The following TBC1D22A variants were observed in gnomAD, a reference collection of about 807,000 sequenced individuals.
The protein encoded by TBC1D22A is putative GTPase activator.
Under a neutral mutation model 60.2 loss-of-function variants are expected in TBC1D22A, and 38 were observed. That is an observed-to-expected ratio of 0.63 (90% confidence interval 0.49 to 0.83). The LOEUF is 0.83. TBC1D22A is among the 40% of genes least tolerant of loss of function. TBC1D22A has a pLI of 0.00. For missense variants in TBC1D22A, 628 were observed against 701.0 expected (o/e 0.90, Z 1.18); for synonymous variants, 302 against 281.7 (o/e 1.07, Z -0.72).
At chr22:46,960,418 C>G (rs1201015599) in intron 8 of TBC1D22A, among the ~76,000 whole-genome samples, 2 of 152,126 alleles carry the variant, frequency 1.3e-5, no homozygotes, top group Admixed American at 1.3e-4. Flanking sequence ...CCCACCACCA[C>G]GCCCAGCTAA....
intron 4 of TBC1D22A, among the ~76,000 whole-genome samples, chr22:46,843,536 C>T (rs139128236): frequency 5.3e-4 from 80 of 151,414 alleles, no homozygotes; most frequent in Non-Finnish European, 1.0e-3. Context: ...GTGTGGCCCC[C>T]AGTACATTTT....
chr22:47,010,327 G>A (rs907229161), intron 10 of TBC1D22A, among the ~76,000 whole-genome samples: 4 of 151,580 alleles, frequency 2.6e-5, no homozygotes, highest in African/African-American at 9.8e-5. Flanking sequence ...AACAGGCAGC[G>A]TGGCTCCCTC....
intron 4 of TBC1D22A, among the ~76,000 whole-genome samples, chr22:46,864,226 T>C (rs1282810148): frequency 1.3e-5 from 2 of 152,210 alleles, no homozygotes; most frequent in African/African-American, 4.8e-5. Context: ...ATGATAGCAA[T>C]TAAGGGTCAC....
intron 11 of TBC1D22A, among the ~76,000 whole-genome samples, chr22:47,106,922 A>G (rs1205545792): frequency 1.3e-5 from 2 of 152,132 alleles, no homozygotes; most frequent in African/African-American, 4.8e-5. Context: ...ACAGAGCGAG[A>G]CTCCATCTCA....
Position 46,804,900 on chromosome 22 carries a change from T to G in TBC1D22A, c.637+7280T>G, listed in dbSNP as rs140118772. ...ATCTGTTGCATGTTTGTCTTTTTTT[T>G]CTTATAATTTCTTTTGTAGATGAGG... On this transcript the variant is annotated intron_variant, in intron 4 of 12. Coordinates refer to ENST00000337137, the MANE Select transcript of TBC1D22A (RefSeq NM_014346.5). Among the ~76,000 whole-genome samples the G allele has an allele frequency of 1.5e-3, 223 of 152,340 alleles. 1 individual carries two copies. Among genetic ancestry groups the G allele is most frequent in the African/African-American group, 5.2e-3 (218 of 41,580 alleles).
intron 9 of TBC1D22A, among the ~76,000 whole-genome samples, chr22:46,985,381 C>T (rs148133130): frequency 1.3e-5 from 2 of 152,238 alleles, no homozygotes; most frequent in African/African-American, 4.8e-5. Context: ...TACATGATTT[C>T]AGAGCCCCAG....
chr22:46,944,721 A>G (rs2072421849), intron 8 of TBC1D22A, among the ~76,000 whole-genome samples: 1 of 152,202 alleles, frequency 6.6e-6, no homozygotes, highest in African/African-American at 2.4e-5. Context: ...TTAAAAAATA[A>G]AACTTTTCAT....
chr22:46,902,015 G>T (rs1229942855), intron 7 of TBC1D22A, among the ~76,000 whole-genome samples: 1 of 152,234 alleles, frequency 6.6e-6, no homozygotes, highest in African/African-American at 2.4e-5. Flanking sequence ...AAATCTCTGA[G>T]CTCCCTCGTG....
At chr22:47,136,187 A>G (rs1008292405) in intron 12 of TBC1D22A, among the ~76,000 whole-genome samples, 1 of 152,242 alleles carries the variant, frequency 6.6e-6, no homozygotes, top group African/African-American at 2.4e-5. Context: ...TCCCAGTGCC[A>G]GCTGCGGTGG....
At position 46,929,655 on chromosome 22, in the gene TBC1D22A, G is replaced by T. The variant is rs548329928; in HGVS notation, c.1015+17467G>T. Among the ~76,000 whole-genome samples, 11 of 152,190 alleles carry T rather than the reference G, an allele frequency of 7.2e-5. No individual in the cohort carries two copies. In the East Asian group the frequency reaches 2.1e-3, roughly 30 times the overall value. On this transcript the variant is annotated intron_variant, in intron 8 of 12. Coordinates refer to ENST00000337137, the MANE Select transcript of TBC1D22A (RefSeq NM_014346.5). ...TGACATGTGAGTTTTCAACCTCAAG[G>T]TACCTTATTCAACTGGCCTGATTAG...
intron 10 of TBC1D22A, among the ~76,000 whole-genome samples, chr22:47,018,838 G>C (rs927127582): frequency 6.6e-6 from 1 of 152,092 alleles, no homozygotes; most frequent in East Asian, 1.9e-4. Context: ...GGATCCTCAG[G>C]GCCCTCGCCT....
chr22:47,130,000 GC>G (rs1484118745), intron 12 of TBC1D22A, among the ~76,000 whole-genome samples: 1 of 152,238 alleles, frequency 6.6e-6, no homozygotes. Flanking sequence ...ACACGGCCAT[GC>G]CCTCGTGCCC....
chr22:46,978,502 G>A (rs1254249164), intron 9 of TBC1D22A, among the ~76,000 whole-genome samples: 1 of 152,116 alleles, frequency 6.6e-6, no homozygotes, highest in Non-Finnish European at 1.5e-5. Context: ...AAGAATTCTT[G>A]TATCTACTTC....
chr22:46,940,779 C>T (rs12483763), intron 8 of TBC1D22A, among the ~76,000 whole-genome samples: 580 of 59,826 alleles, frequency 9.7e-3, no homozygotes, highest in Middle Eastern at 0.017. Flanking sequence ...TATATATGTA[C>T]ATATACAGTC....
chr22:46,863,837 G>A (rs936015254), intron 4 of TBC1D22A, among the ~76,000 whole-genome samples: 6 of 152,044 alleles, frequency 3.9e-5, no homozygotes, highest in African/African-American at 7.2e-5. Context: ...CTCCCCCTCC[G>A]TGAAGAATGC....
chr22:46,966,274 T>C (rs2148082979), intron 8 of TBC1D22A, among the ~76,000 whole-genome samples: 1 of 152,224 alleles, frequency 6.6e-6, no homozygotes, highest in East Asian at 1.9e-4. Context: ...CATCACCCTG[T>C]TCATTCTCCA....
intron 8 of TBC1D22A, among the ~76,000 whole-genome samples, chr22:46,916,562 C>T (rs1244573286): frequency 3.3e-5 from 5 of 152,344 alleles, no homozygotes; most frequent in South Asian, 2.1e-4. Flanking sequence ...CGCGGACATA[C>T]ATAACCATAC....
At chr22:47,023,449 TA>T (rs954369657) in intron 10 of TBC1D22A, among the ~76,000 whole-genome samples, 8 of 152,146 alleles carry the variant, frequency 5.3e-5, no homozygotes, top group East Asian at 1.9e-4. Context: ...AATACTCAGT[TA>T]AAAAAAATCA....
At chr22:47,149,270 G>T (rs545378147) in intron 12 of TBC1D22A, among the ~76,000 whole-genome samples, 1 of 152,218 alleles carries the variant, frequency 6.6e-6, no homozygotes, top group African/African-American at 2.4e-5. Flanking sequence ...CCCGGCGGCG[G>T]CAGGAATCAC....
Sources: gnomAD v4.1 joint callset for allele counts (sites outside exome capture counted in the v4.1 genomes callset) on GRCh38, gnomAD v4.1.1 for gene constraint, MANE v1.5 for transcripts, NCBI Gene and HGNC (gene_info 2026-07-23, HGNC 2026-07-21) for gene names.